The following FRMD4A variants were observed in gnomAD, a reference collection of about 807,000 sequenced individuals.
The protein encoded by FRMD4A is FERM domain-containing protein 4A.
Under a neutral mutation model 129.1 loss-of-function variants are expected in FRMD4A, and 29 were observed. The ratio of observed to expected loss-of-function variants is 0.22; its 90% CI spans 0.17 to 0.31. The LOEUF (loss-of-function observed/expected upper bound fraction) is 0.31. Among genes scored for constraint, FRMD4A ranks in the 10% least tolerant of loss-of-function variants. The pLI is 1.00. For missense variants in FRMD4A, 1,272 were observed against 1,375.8 expected, an observed-to-expected ratio of 0.92 and a Z score of 1.19; for synonymous variants, 634 against 571.6, an observed-to-expected ratio of 1.11 and a Z score of -1.56.
intron 2 of FRMD4A, among the ~76,000 whole-genome samples, chr10:13,867,661 TATATA>T (rs1174918298): frequency 3.0e-5 from 4 of 132,004 alleles, no homozygotes; most frequent in Non-Finnish European, 6.2e-5. Context: ...AAATATATAA[TATATA>T]ATATAATATA....
intron 5 of FRMD4A, among the ~76,000 whole-genome samples, chr10:13,792,685 C>A (rs1430014288): frequency 1.3e-5 from 2 of 152,204 alleles, no homozygotes; most frequent in East Asian, 3.9e-4. Context: ...TCCCGCCTCT[C>A]CAGTCTTTAT....
chr10:14,330,383 G>A (rs935615068), intron 1 of FRMD4A, among the ~76,000 whole-genome samples, 200 bp from the exon 2 acceptor site: 1 of 151,826 alleles, frequency 6.6e-6, no homozygotes, highest in African/African-American at 2.4e-5. Flanking sequence ...TTCGCAAAGC[G>A]GCACAGACAG....
intron 13 of FRMD4A, among the ~76,000 whole-genome samples, chr10:13,704,987 T>G (rs759876896): frequency 2.2e-4 from 34 of 151,830 alleles, no homozygotes; most frequent in Non-Finnish European, 2.6e-4. Context: ...GGTGGGAGAA[T>G]TGCTTGAGCC....
At chr10:13,844,821 A>G (rs1261290711) in intron 3 of FRMD4A, among the ~76,000 whole-genome samples, 2 of 152,178 alleles carry the variant, frequency 1.3e-5, no homozygotes, top group Non-Finnish European at 1.5e-5. Context: ...AATGCCTCTA[A>G]ACATGTGTCC....
intron 2 of FRMD4A, among the ~76,000 whole-genome samples, chr10:13,916,551 A>T (rs1376218182): frequency 1.3e-5 from 2 of 152,230 alleles, no homozygotes; most frequent in Non-Finnish European, 2.9e-5. Context: ...AGTTCAGAGC[A>T]GGTGTTATAC....
At chr10:13,685,041 A>C (rs2084947477) in intron 15 of FRMD4A, 1 of 984,830 alleles carries the variant, frequency 1.0e-6, no homozygotes, top group Admixed American at 6.2e-5. Context: ...TGAATTCCTT[A>C]CATAAAAGAT....
At chr10:13,791,133 A>G (rs1008912164) in intron 5 of FRMD4A, among the ~76,000 whole-genome samples, 1 of 152,214 alleles carries the variant, frequency 6.6e-6, no homozygotes, top group African/African-American at 2.4e-5. Flanking sequence ...ATAAAGAAGT[A>G]GGACTAGGAG....
chr10:13,680,390 G>C (rs1435213496), intron 15 of FRMD4A, among the ~76,000 whole-genome samples: 1 of 151,782 alleles, frequency 6.6e-6, no homozygotes, highest in African/African-American at 2.4e-5. Flanking sequence ...ATATGCTTTT[G>C]CAAGTGCAAA....
At chr10:14,050,472 G>T (rs999158732) in intron 2 of FRMD4A, among the ~76,000 whole-genome samples, 1 of 152,030 alleles carries the variant, frequency 6.6e-6, no homozygotes, top group Admixed American at 6.6e-5. Context: ...TAAATATTTG[G>T]TCTCTGTACC....
At chr10:13,966,150 G>T (rs1314767495) in intron 2 of FRMD4A, among the ~76,000 whole-genome samples, 1 of 152,114 alleles carries the variant, frequency 6.6e-6, no homozygotes, top group Non-Finnish European at 1.5e-5. Flanking sequence ...CTCCTCAGTA[G>T]CTGGGATTAC....
chr10:13,997,188 G>A (rs1032065646), intron 2 of FRMD4A, among the ~76,000 whole-genome samples: 8 of 152,032 alleles, frequency 5.3e-5, no homozygotes, highest in Non-Finnish European at 1.2e-4. Context: ...AAAGACCTAA[G>A]GGACAATTGC....
intron 2 of FRMD4A, among the ~76,000 whole-genome samples, chr10:14,320,107 C>T (rs2132118653): frequency 6.6e-6 from 1 of 152,208 alleles, no homozygotes; most frequent in South Asian, 2.1e-4. Context: ...CGCCCAAATT[C>T]ATGCAATTGC....
intron 6 of FRMD4A, 150 bp from the exon 7 acceptor site, chr10:13,762,830 C>G: frequency 1.6e-6 from 1 of 623,458 alleles, no homozygotes; most frequent in Non-Finnish European, 2.9e-6. Context: ...GCTGCCTCTA[C>G]AGAAAATTTA....
At chr10:14,031,353 C>T (rs1195632979) in intron 2 of FRMD4A, among the ~76,000 whole-genome samples, 1 of 151,980 alleles carries the variant, frequency 6.6e-6, no homozygotes, top group Non-Finnish European at 1.5e-5. Context: ...CTGCAACCTC[C>T]GCCTCCCGGG....
rs117218655 is a variant in FRMD4A, at chr10:13,851,567, C to T, written c.111+7280G>A. ...GATTCTCGCAGGAGTCCAAACCCTA[C>T]GGTGAACTATACACGTGAGGGATCT... is the stretch of plus-strand genomic sequence containing the variant. On this transcript the variant is annotated intron_variant, in intron 3 of 24. Transcript: ENST00000357447. Among the ~76,000 whole-genome samples, 262 of 152,134 alleles carry T rather than the reference C, an allele frequency of 1.7e-3. 1 individual carries two copies. Among genetic ancestry groups the T allele is most frequent in the South Asian group, 0.015 (70 of 4,814 alleles).
intron 3 of FRMD4A, among the ~76,000 whole-genome samples, chr10:13,822,204 A>G (rs1009458449): frequency 2.6e-5 from 4 of 152,140 alleles, no homozygotes; most frequent in African/African-American, 9.7e-5. Flanking sequence ...CATACTTACG[A>G]TTTTTGTAGC....
chr10:14,273,252 G>A (rs1004656849), intron 2 of FRMD4A, among the ~76,000 whole-genome samples: 2 of 152,034 alleles, frequency 1.3e-5, no homozygotes, highest in East Asian at 1.9e-4. Flanking sequence ...GTGAGAACCC[G>A]CCTCAGAAAA....
intron 15 of FRMD4A, among the ~76,000 whole-genome samples, chr10:13,678,078 G>A (rs974200383): frequency 1.3e-5 from 2 of 152,180 alleles, no homozygotes; most frequent in East Asian, 3.9e-4. Flanking sequence ...GGATGATCAT[G>A]TTGCTAGTTA....
At chr10:14,247,717 G>A (rs1844294291) in intron 2 of FRMD4A, among the ~76,000 whole-genome samples, 1 of 152,184 alleles carries the variant, frequency 6.6e-6, no homozygotes, top group East Asian at 1.9e-4. Flanking sequence ...AGGGAAGAGA[G>A]GGGAAGGCCT....
Sources: allele counts gnomAD v4.1 joint callset (sites outside exome capture counted in the v4.1 genomes callset), GRCh38; gene constraint gnomAD v4.1.1; transcripts MANE v1.5; gene names NCBI Gene and HGNC (gene_info 2026-07-23, HGNC 2026-07-21).